Variants in CDC42BPA observed in about 807,000 individuals in gnomAD.
CDC42BPA encodes CDC42 binding protein kinase alpha, also known as serine/threonine-protein kinase MRCK alpha.
In CDC42BPA, 80 loss-of-function variants were observed where a neutral mutation model predicts 223.5. The observed-to-expected ratio is 0.36, with a 90% confidence interval of 0.30 to 0.43. The LOEUF is 0.43. CDC42BPA is among the 20% of genes least tolerant of loss of function. The probability of loss-of-function intolerance (pLI) is 1.00; values close to 1 mark genes in which losing one functional copy is unlikely to be tolerated. For synonymous variants in CDC42BPA, 694 were observed against 718.6 expected, an observed-to-expected ratio of 0.97 and a Z score of 0.55; for missense variants, 1,743 against 2,099.9, an observed-to-expected ratio of 0.83 and a Z score of 3.32.
intron 16 of CDC42BPA, among the ~76,000 whole-genome samples, chr1:227,083,311 T>C (rs1355467896): frequency 6.6e-6 from 1 of 152,106 alleles, no homozygotes; most frequent in Admixed American, 6.5e-5. Context: ...GTCCTTTTCT[T>C]TGTTTCTCTC....
intron 8 of CDC42BPA, among the ~76,000 whole-genome samples, chr1:227,144,393 G>A (rs565828215): frequency 3.3e-5 from 5 of 151,944 alleles, no homozygotes; most frequent in East Asian, 3.9e-4. Flanking sequence ...TGGCTAACAC[G>A]GTGAAACCCC....
At chr1:227,016,732 G>C (rs1666348311) in intron 33 of CDC42BPA, among the ~76,000 whole-genome samples, 195 bp downstream of exon 33, 1 of 152,160 alleles carries the variant, frequency 6.6e-6, no homozygotes, top group Non-Finnish European at 1.5e-5. Flanking sequence ...CTTTAATCCA[G>C]TGCATACTCA....
chr1:227,313,782 C>A (rs191577969), intron 1 of CDC42BPA, among the ~76,000 whole-genome samples: 1 of 152,140 alleles, frequency 6.6e-6, no homozygotes, highest in Non-Finnish European at 1.5e-5. Flanking sequence ...AGCTTTAAAA[C>A]TATACTAATA....
chr1:227,037,855 T>C (rs936859911), intron 24 of CDC42BPA, among the ~76,000 whole-genome samples: 1 of 152,216 alleles, frequency 6.6e-6, no homozygotes, highest in African/African-American at 2.4e-5. Flanking sequence ...TGTTATAATA[T>C]GTCTGAAAAG....
At chr1:227,241,867 C>T (rs1259638433) in intron 2 of CDC42BPA, among the ~76,000 whole-genome samples, 2 of 152,148 alleles carry the variant, frequency 1.3e-5, no homozygotes, top group African/African-American at 4.8e-5. Flanking sequence ...TATGGCTTCA[C>T]CAGTGAGGTC....
chr1:227,187,065 C>A (rs1668890501), intron 5 of CDC42BPA, among the ~76,000 whole-genome samples: 1 of 152,284 alleles, frequency 6.6e-6, no homozygotes, highest in East Asian at 1.9e-4. Flanking sequence ...TGGTGGCCAT[C>A]CTCAAGCTTT....
In CDC42BPA at chr1:227,223,646, C is replaced by T. The variant is rs1676330043; in HGVS notation, c.271-10427G>A. 2.0e-5 allele frequency among the ~76,000 whole-genome samples: 3 copies of T among 152,194 alleles called. No individual in the cohort carries two copies. In the South Asian group the frequency reaches 6.2e-4, roughly 32 times the overall value. ...CTAGCACCTCCCTTTGTCCCCTTCT[C>T]TAACCAATCCTTGCTCAGCACTATC... On this transcript the variant is annotated intron_variant, in intron 2 of 36. Coordinates refer to ENST00000366766, the MANE Select transcript of CDC42BPA (RefSeq NM_001394014.1).
intron 10 of CDC42BPA, among the ~76,000 whole-genome samples, chr1:227,136,239 T>C (rs1658545882): frequency 6.6e-6 from 1 of 151,988 alleles, no homozygotes; most frequent in African/African-American, 2.4e-5. Context: ...AAAAAGACAA[T>C]ATCTGAAATT....
At chr1:226,997,594 T>C (rs999678211) in intron 35 of CDC42BPA, among the ~76,000 whole-genome samples, 6 of 152,254 alleles carry the variant, frequency 3.9e-5, no homozygotes, top group African/African-American at 9.6e-5. Context: ...TTTAGTGCTA[T>C]AAATTTCCCT....
intron 1 of CDC42BPA, among the ~76,000 whole-genome samples, chr1:227,273,355 T>C (rs895044657): frequency 2.6e-5 from 4 of 151,206 alleles, no homozygotes; most frequent in African/African-American, 9.7e-5. Flanking sequence ...CACCTGAGGA[T>C]TGGGAATTCG....
chr1:227,172,484 G>C (rs991999581), intron 5 of CDC42BPA, among the ~76,000 whole-genome samples: 1 of 152,112 alleles, frequency 6.6e-6, no homozygotes, highest in South Asian at 2.1e-4. Context: ...CATTTAAAAT[G>C]TAATTCAAAG....
At chr1:227,129,067 A>G in intron 11 of CDC42BPA, 42 bp downstream of exon 11, 1 of 1,283,030 alleles carries the variant, frequency 7.8e-7, no homozygotes, top group Non-Finnish European at 1.1e-6. Context: ...CATTTTTTAA[A>G]CATTTCCTAA....
chr1:227,266,407 G>A (rs980205505), intron 1 of CDC42BPA, among the ~76,000 whole-genome samples: 2 of 152,168 alleles, frequency 1.3e-5, no homozygotes, highest in Non-Finnish European at 2.9e-5. Flanking sequence ...TCAGAGACCT[G>A]GCAATCTAAC....
chr1:227,043,676 C>T (rs1456335459), intron 23 of CDC42BPA, among the ~76,000 whole-genome samples: 1 of 152,080 alleles, frequency 6.6e-6, no homozygotes, highest in Non-Finnish European at 1.5e-5. Flanking sequence ...ATACCTTGGA[C>T]ATGTATATAT....
intron 34 of CDC42BPA, among the ~76,000 whole-genome samples, chr1:227,007,802 A>G (rs1049313960): frequency 6.6e-6 from 1 of 152,252 alleles, no homozygotes; most frequent in African/African-American, 2.4e-5. Context: ...ATGCTATTTA[A>G]CGTTAATAGA....
At chr1:227,137,912 C>T (rs1054955850) in intron 10 of CDC42BPA, among the ~76,000 whole-genome samples, 7 of 152,040 alleles carry the variant, frequency 4.6e-5, no homozygotes, top group Admixed American at 2.0e-4. Context: ...TGGACATATT[C>T]TACACATGAA....
At chr1:227,063,172 C>T (rs1676291160) in intron 21 of CDC42BPA, among the ~76,000 whole-genome samples, 1 of 152,164 alleles carries the variant, frequency 6.6e-6, no homozygotes, top group African/African-American at 2.4e-5. Flanking sequence ...CACACCCACA[C>T]ACTTTCTCTC....
In CDC42BPA at chr1:227,074,364, C is replaced by G; in HGVS notation, c.2481G>C (p.Trp827Cys). The change falls in exon 18 of 37, where the codon TGG becomes TGC. Residue 827 changes from tryptophan to cysteine, a missense_variant and splice_region_variant. By Grantham distance (215) the Trp-to-Cys change is radical (BLOSUM62 -2). Around this residue, in one of 6 missense-constraint regions of CDC42BPA, gnomAD observed 464 missense variants for 488.0 expected, o/e 0.95. Transcript: ENST00000366766. ...WEAQITEIIQ[W>C]VSDEKDARGY... ...CTCGTGCATCCTTTTCATCGCTGAC[C>G]CTAGAATATATAAAGACAAAGTACA... 6.2e-7 allele frequency: 1 copy of G among 1,605,190 alleles called. No homozygotes were observed. Among genetic ancestry groups the G allele is most frequent in the Non-Finnish European group, 8.5e-7 (1 of 1,174,766 alleles).
At position 227,073,102 on chromosome 1, in the gene CDC42BPA, G is replaced by A. The variant is rs1158967703; in HGVS notation, c.2735+762C>T. ...CTATGACTACACACCATTAAAAACTGAATTCATGGGCCTGCATTTCTTTTC... is the reference window on the plus strand; with the variant it reads ...CTATGACTACACACCATTAAAAACTAAATTCATGGGCCTGCATTTCTTTTC... On this transcript the variant is annotated intron_variant, in intron 19 of 36. Coordinates refer to ENST00000366766, the MANE Select transcript of CDC42BPA (RefSeq NM_001394014.1). 2.0e-5 allele frequency among the ~76,000 whole-genome samples: 3 copies of A among 152,212 alleles called. No individual in the cohort carries two copies. The East Asian group carries it at 5.8e-4, about 29-fold the overall frequency.
Sources: gnomAD v4.1 joint callset for allele counts (sites outside exome capture counted in the v4.1 genomes callset) on GRCh38, gnomAD v4.1.1 for gene constraint, gnomAD v4.1.1 regional missense constraint, MANE v1.5 for transcripts, NCBI Gene and HGNC (gene_info 2026-07-23, HGNC 2026-07-21) for gene names.